ADAMTS6: variants seen among roughly 807,000 people sequenced by gnomAD.
ADAMTS6 encodes the protein ADAM metallopeptidase with thrombospondin type 1 motif 6, also known as A disintegrin and metalloproteinase with thrombospondin motifs 6.
A neutral mutation model predicts 144.3 loss-of-function variants in ADAMTS6; 23 were observed. The ratio of observed to expected loss-of-function variants is 0.16; its 90% CI spans 0.11 to 0.23. The LOEUF is 0.23. ADAMTS6 is among the 10% of genes least tolerant of loss of function. The pLI is 1.00. For synonymous variants in ADAMTS6, 444 were observed against 457.5 expected (o/e 0.97, Z 0.38); for missense variants, 999 against 1,379.6 (o/e 0.72, Z 4.37).
At chr5:65,412,855 CAG>C (rs1468976671) in intron 7 of ADAMTS6, among the ~76,000 whole-genome samples, 3 of 151,912 alleles carry the variant, frequency 2.0e-5, no homozygotes, top group African/African-American at 7.3e-5. Context: ...ATACTGATAC[CAG>C]AGTTTTTTAA....
intron 1 of ADAMTS6, among the ~76,000 whole-genome samples, chr5:65,479,504 G>A (rs1761061160): frequency 6.6e-6 from 1 of 152,144 alleles, no homozygotes; most frequent in Non-Finnish European, 1.5e-5. Flanking sequence ...TTTCTCTTGA[G>A]CTTAGCTTGA....
intron 7 of ADAMTS6, among the ~76,000 whole-genome samples, chr5:65,412,920 T>C (rs1259373779): frequency 6.6e-6 from 1 of 152,212 alleles, no homozygotes; most frequent in Non-Finnish European, 1.5e-5. Flanking sequence ...TCTCTAATTA[T>C]ATGCACTTCA....
intron 8 of ADAMTS6, among the ~76,000 whole-genome samples, chr5:65,330,021 A>AT (rs774849349): frequency 3.3e-5 from 5 of 151,878 alleles, no homozygotes; most frequent in South Asian, 2.1e-4. Flanking sequence ...AGGTTTTTGC[A>AT]TTTTTTTTAA....
intron 24 of ADAMTS6, among the ~76,000 whole-genome samples, chr5:65,164,027 G>A (rs1018776664): frequency 1.3e-5 from 2 of 152,196 alleles, no homozygotes; most frequent in African/African-American, 4.8e-5. Context: ...AGGGGGAGGA[G>A]CCAAGATGGC....
intron 7 of ADAMTS6, among the ~76,000 whole-genome samples, chr5:65,334,420 C>T (rs1253301520): frequency 2.6e-5 from 4 of 152,142 alleles, no homozygotes; most frequent in Admixed American, 1.3e-4. Flanking sequence ...TTCTGCAAAA[C>T]GCAAATAGGT....
rs780295839 is a variant in ADAMTS6 at position 65,242,149 on chromosome 5, T to C, written c.1888A>G (p.Met630Val). 27 of 1,605,200 alleles carry C rather than the reference T, an allele frequency of 1.7e-5. No homozygotes were observed. The highest frequency in any genetic ancestry group is 2.2e-5 in the Non-Finnish European group (26 of 1,174,296). ...TTATAATACTTTCCTCGGAAAGGCATATTGTCAAAGTCTGCACACTGTTTC... is the reference window on the plus strand; with the variant it reads ...TTATAATACTTTCCTCGGAAAGGCACATTGTCAAAGTCTGCACACTGTTTC... ...REKQCADFDNMPFRGKYYNWK... is the reference protein window; with the variant it reads ...REKQCADFDNVPFRGKYYNWK... Residue 630 changes from methionine (M) to valine (V), a missense_variant, in exon 15 of 25, where the codon ATG (methionine) becomes GTG (valine). Transcript: ENST00000381055.
At chr5:65,357,712 A>C (rs1174615408) in intron 7 of ADAMTS6, among the ~76,000 whole-genome samples, 1 of 151,886 alleles carries the variant, frequency 6.6e-6, no homozygotes, top group Non-Finnish European at 1.5e-5. Flanking sequence ...ATGAAAAATT[A>C]TATGGCAGCA....
At chr5:65,294,998 A>G (rs1233079004) in intron 10 of ADAMTS6, among the ~76,000 whole-genome samples, 1 of 152,164 alleles carries the variant, frequency 6.6e-6, no homozygotes, top group Non-Finnish European at 1.5e-5. Flanking sequence ...TTTGCTCAAC[A>G]TTGTGAATAT....
intron 15 of ADAMTS6, among the ~76,000 whole-genome samples, chr5:65,230,566 T>A (rs13160593): frequency 9.8e-6 from 1 of 101,788 alleles, no homozygotes; most frequent in East Asian, 2.3e-4. Context: ...ATATATATAA[T>A]ACATGATATA....
chr5:65,191,907 T>C (rs185526717), intron 21 of ADAMTS6, among the ~76,000 whole-genome samples: 5 of 152,270 alleles, frequency 3.3e-5, no homozygotes, highest in Admixed American at 6.5e-5. Flanking sequence ...ATTTGATTTG[T>C]ACCTTACCAA....
chr5:65,300,638 C>A (rs1239852886), intron 9 of ADAMTS6, among the ~76,000 whole-genome samples: 1 of 146,298 alleles, frequency 6.8e-6, no homozygotes, highest in Non-Finnish European at 1.5e-5. Context: ...CTTTTTCTTT[C>A]TTTTTTTTTT....
At chr5:65,445,036 T>A (rs1315006647) in intron 7 of ADAMTS6, among the ~76,000 whole-genome samples, 1 of 152,202 alleles carries the variant, frequency 6.6e-6, no homozygotes, top group Non-Finnish European at 1.5e-5. Context: ...AATACATCCA[T>A]AAAACCAATA....
At chr5:65,369,661 T>C (rs994836756) in intron 7 of ADAMTS6, among the ~76,000 whole-genome samples, 1 of 152,188 alleles carries the variant, frequency 6.6e-6, no homozygotes, top group African/African-American at 2.4e-5. Context: ...TTATGATATC[T>C]CATGAGACAA....
chr5:65,332,312 T>TATAG (rs1384467152), intron 8 of ADAMTS6, among the ~76,000 whole-genome samples: 1,405 of 102,002 alleles, frequency 0.014, 12 homozygotes, highest in Middle Eastern at 0.028. Flanking sequence ...TATATATATA[T>TATAG]AGAGAGAGAG....
intron 7 of ADAMTS6, among the ~76,000 whole-genome samples, chr5:65,442,968 T>C (rs1757980674): frequency 6.6e-6 from 1 of 152,222 alleles, no homozygotes; most frequent in Non-Finnish European, 1.5e-5. Context: ...CTGAGGATGA[T>C]GGCTTCCAAT....
chr5:65,154,258 T>C (rs1232727103), intron 24 of ADAMTS6, among the ~76,000 whole-genome samples: 1 of 152,174 alleles, frequency 6.6e-6, no homozygotes, highest in Non-Finnish European at 1.5e-5. Context: ...TCAGGGATTT[T>C]GTTCCTTAGA....
intron 9 of ADAMTS6, among the ~76,000 whole-genome samples, chr5:65,304,897 T>A (rs1472930323): frequency 6.6e-6 from 1 of 151,612 alleles, no homozygotes; most frequent in African/African-American, 2.4e-5. Context: ...GTAAATGCAA[T>A]GGAAACTGGA....
In ADAMTS6 at chr5:65,212,213, G is replaced by A. The variant is rs1432689429; in HGVS notation, c.2575+2581C>T. Among the ~76,000 whole-genome samples, 7 of 152,232 alleles carry A rather than the reference G, an allele frequency of 4.6e-5. 1 individual carries two copies. In the South Asian group the frequency reaches 1.2e-3, roughly 27 times the overall value. Reference sequence around the variant, plus strand: ...GACCAGACTTTAAGAACCACTTACCGAAACAAATGGCAGCTCTTTACACCA... The same window carrying A: ...GACCAGACTTTAAGAACCACTTACCAAAACAAATGGCAGCTCTTTACACCA... On this transcript the variant is annotated intron_variant, in intron 20 of 24. Coordinates refer to ENST00000381055, the MANE Select transcript of ADAMTS6 (RefSeq NM_197941.4).
chr5:65,177,112 C>T (rs1754026994), intron 22 of ADAMTS6, among the ~76,000 whole-genome samples: 1 of 152,156 alleles, frequency 6.6e-6, no homozygotes, highest in Non-Finnish European at 1.5e-5. Context: ...AAGCCAGCCT[C>T]AGAAGGACCC....
Sources: allele counts gnomAD v4.1 joint callset (sites outside exome capture counted in the v4.1 genomes callset), GRCh38; gene constraint gnomAD v4.1.1; transcripts MANE v1.5; gene names NCBI Gene and HGNC (gene_info 2026-07-23, HGNC 2026-07-21).